The following BRD9 variants were observed in gnomAD, a reference collection of about 807,000 sequenced individuals.
BRD9 encodes the protein bromodomain-containing protein 9.
Under a neutral mutation model 68.7 loss-of-function variants are expected in BRD9, and 47 were observed. The observed-to-expected ratio is 0.68, with a 90% CI of 0.54 to 0.87. The LOEUF is 0.87. BRD9 is among the 40% of genes least tolerant of loss of function. The pLI is 0.00. For synonymous variants in BRD9, 313 were observed against 293.9 expected, an observed-to-expected ratio of 1.06 and a Z score of -0.67; for missense variants, 670 against 748.4, an observed-to-expected ratio of 0.90 and a Z score of 1.22.
chr5:878,518 C>T lies in BRD9; in HGVS notation c.1139-31G>A, dbSNP rs1244094843. On this transcript the variant is annotated intron_variant, in intron 10 of 15. Coordinates refer to ENST00000467963, the MANE Select transcript of BRD9 (RefSeq NM_023924.5). The stretch of plus-strand genomic sequence containing the variant: ...AGGAAGAGGAGAGAGCATCACTGGA[C>T]TCACTGGAAGGACTCGGTGTGCAGG... 14 of 1,613,180 alleles carry T rather than the reference C, an allele frequency of 8.7e-6. No individual in the cohort carries two copies. The Admixed American group carries it at 2.3e-4, about 27-fold the overall frequency.
chr5:881,057 CA>C, intron 9 of BRD9, 49 bp downstream of exon 9: 4 of 1,575,782 alleles, frequency 2.5e-6, no homozygotes, highest in Non-Finnish European at 3.5e-6. Flanking sequence ...AACGGAGGCC[CA>C]AAAAGCAGTG....
intron 8 of BRD9, chr5:881,938 T>C (rs1751829354): frequency 6.6e-6 from 1 of 152,440 alleles, no homozygotes; most frequent in Admixed American, 6.5e-5. Flanking sequence ...AGGGAAGAAG[T>C]GGGCGGAACC....
rs924722268 is a variant in BRD9 at position 878,239 on chromosome 5, T to G, written c.1271+116A>C. 3.0e-5 allele frequency: 44 copies of G among 1,454,318 alleles called. No homozygotes were observed. In the Admixed American group the frequency reaches 8.3e-4, roughly 28 times the overall value. 90.1% of individuals were successfully genotyped at this position (1,454,318 alleles called of 1,614,324 possible). ...CAACGGGAAGACCCAGGCTGCCATA[T>G]GGACGGCTGCAAGATGGCTCTCTCC... is the stretch of plus-strand genomic sequence containing the variant. On this transcript the variant is annotated intron_variant, in intron 11 of 15. Transcript: ENST00000467963.
intron 14 of BRD9, among the ~76,000 whole-genome samples, chr5:867,144 T>A (rs1749492331): frequency 6.6e-6 from 1 of 152,222 alleles, no homozygotes; most frequent in East Asian, 1.9e-4. Flanking sequence ...AAAGGGTCGA[T>A]GCTTCAGAGG....
chr5:869,314 T>G (rs1264743996), intron 14 of BRD9: 1 of 456,010 alleles, frequency 2.2e-6, no homozygotes, highest in Non-Finnish European at 4.4e-6. Flanking sequence ...AATCTGAAGG[T>G]TGACAAAGCA....
At chr5:869,493 T>C (rs1439664721) in intron 14 of BRD9, 3 of 390,384 alleles carry the variant, frequency 7.7e-6, no homozygotes, top group African/African-American at 6.4e-5. Context: ...CTACATTCTG[T>C]AGAGAATCTC....
At chr5:877,605 A>C (rs978588419) in intron 11 of BRD9, among the ~76,000 whole-genome samples, 3 of 152,224 alleles carry the variant, frequency 2.0e-5, no homozygotes, top group Non-Finnish European at 4.4e-5. Context: ...TTTGCCACAG[A>C]AAACAAAAAA....
rs1390876616 is a variant in BRD9 at position 884,075 on chromosome 5, G to A, written c.834-5C>T. 5 of 1,612,246 alleles carry A rather than the reference G, an allele frequency of 3.1e-6. No homozygotes were observed. Among genetic ancestry groups the A allele is most frequent in the South Asian group, 1.1e-5 (1 of 91,076 alleles). On this transcript the variant is annotated splice_polypyrimidine_tract_variant and splice_region_variant and intron_variant, in intron 7 of 15. Transcript: ENST00000467963. ...CCTTCAGGCTCAAACATGCAGCTGT[G>A]AGGTGGGGACAACCAAGTCACCTGG...
chr5:877,126 G>A (rs1751065827), intron 11 of BRD9, among the ~76,000 whole-genome samples: 1 of 152,210 alleles, frequency 6.6e-6, no homozygotes, highest in Admixed American at 6.5e-5. Flanking sequence ...AAGGCGGGGG[G>A]TGTGCACAGT....
At chr5:885,643 T>C (rs1752441997) in intron 7 of BRD9, among the ~76,000 whole-genome samples, 1 of 152,200 alleles carries the variant, frequency 6.6e-6, no homozygotes, top group Non-Finnish European at 1.5e-5. Context: ...CCTCTCAGGA[T>C]ACTGGGAAGA....
Position 864,352 on chromosome 5 carries a change from G to T in BRD9, c.*116C>A. The T allele has an allele frequency of 1.2e-6, 1 of 814,942 alleles. No individual in the cohort carries two copies. Among genetic ancestry groups the T allele is most frequent in the Non-Finnish European group, 1.9e-6 (1 of 533,724 alleles). 50.5% of individuals were successfully genotyped at this position (814,942 alleles called of 1,614,324 possible). On this transcript the variant is annotated 3_prime_UTR_variant, in exon 16 of 16. Coordinates refer to ENST00000467963, the MANE Select transcript of BRD9 (RefSeq NM_023924.5). ...ACAGACAATTCATTACCTCCCCGCGGCTGCTTCCCGCATGCCAAAGGGGAC... is the reference window on the plus strand; with the variant it reads ...ACAGACAATTCATTACCTCCCCGCGTCTGCTTCCCGCATGCCAAAGGGGAC...
chr5:886,979 T>C (rs1275182666), intron 6 of BRD9: 2 of 541,116 alleles, frequency 3.7e-6, no homozygotes, highest in African/African-American at 1.9e-5. Context: ...CTACGTGGGA[T>C]GCATGCAGCC....
At chr5:878,535 G>A (rs781551309) in intron 10 of BRD9, 48 bp from the exon 11 acceptor site, 4 of 1,611,332 alleles carry the variant, frequency 2.5e-6, no homozygotes, top group Non-Finnish European at 3.4e-6. Context: ...GAAGGACTCG[G>A]TGTGCAGGCC....
chr5:865,726 A>G, intron 14 of BRD9, 145 bp from the exon 15 acceptor site: 1 of 842,886 alleles, frequency 1.2e-6, no homozygotes, highest in South Asian at 1.8e-5. Context: ...CTCACAGCAG[A>G]CAGGTGGACA....
chr5:871,684 A>G (rs1283215928), intron 12 of BRD9, 120 bp from the exon 13 acceptor site: 1 of 921,060 alleles, frequency 1.1e-6, no homozygotes, highest in Admixed American at 1.7e-5. Context: ...TCTGCTCCCC[A>G]GTCACACCAT....
At chr5:876,600 G>GC (rs758844317) in intron 11 of BRD9, among the ~76,000 whole-genome samples, 47 of 152,242 alleles carry the variant, frequency 3.1e-4, no homozygotes, top group Admixed American at 6.5e-4. Flanking sequence ...GGCGCGTGGG[G>GC]CAGGGGTGGG....
Position 880,572 on chromosome 5 carries a change from G to T in BRD9, c.1042+535C>A, listed in dbSNP as rs551549559. ...CTGCACGTTCCTCACGCGAGCCCGC[G>T]AGTGCGTTTCAAACCCAAGTGATCA... is the stretch of plus-strand genomic sequence containing the variant. On this transcript the variant is annotated intron_variant, in intron 9 of 15. Transcript: ENST00000467963. Among the ~76,000 whole-genome samples, 5 of 152,238 alleles carry T rather than the reference G, an allele frequency of 3.3e-5. No individual in the cohort carries two copies. In the East Asian group the frequency reaches 9.6e-4, roughly 29 times the overall value.
rs550436552 is a variant in BRD9 at position 891,809 on chromosome 5, T to C, written c.98A>G (p.Lys33Arg). ...PLEKPLKLVL[K>R]VGGSEVTELS... The stretch of plus-strand genomic sequence containing the variant: ...TTCAGTCACTTCACTTCCTCCGACC[T>C]TCAGGACTAGCTTTAGAGGCTTCTC... Residue 33 changes from lysine to arginine, a missense_variant, in exon 2 of 16, where the codon AAG becomes AGG. Around this residue, in one of 5 missense-constraint regions of BRD9, gnomAD observed 161 missense variants for 148.1 expected, o/e 1.09. Coordinates refer to ENST00000467963, the MANE Select transcript of BRD9 (RefSeq NM_023924.5). 6.4e-7 allele frequency: 1 copy of C among 1,551,610 alleles called. No homozygotes were observed. The highest frequency in any genetic ancestry group is 1.2e-5 in the South Asian group (1 of 84,064).
At chr5:869,840 T>C (rs1749881085) in intron 14 of BRD9, among the ~76,000 whole-genome samples, 1 of 152,240 alleles carries the variant, frequency 6.6e-6, no homozygotes, top group Non-Finnish European at 1.5e-5. Context: ...TACTGACTGA[T>C]GTCCTCTGTC....
Sources: allele counts gnomAD v4.1 joint callset (sites outside exome capture counted in the v4.1 genomes callset), GRCh38; gene constraint gnomAD v4.1.1; regional missense constraint gnomAD v4.1.1; transcripts MANE v1.5; gene names NCBI Gene and HGNC (gene_info 2026-07-23, HGNC 2026-07-21).